MYO5B: variants seen among roughly 807,000 people sequenced by gnomAD.
The protein encoded by MYO5B is unconventional myosin-Vb.
A neutral mutation model predicts 229.3 loss-of-function variants in MYO5B; 143 were observed. That is an observed-to-expected ratio of 0.62 (90% CI 0.54 to 0.72). The LOEUF (loss-of-function observed/expected upper bound fraction) is 0.72, where lower values mean the gene tolerates loss of function less well. Among genes scored for constraint, MYO5B ranks in the 30% least tolerant of loss-of-function variants. The pLI is 0.00. For synonymous variants in MYO5B, 918 were observed against 885.2 expected, an observed-to-expected ratio of 1.04 and a Z score of -0.66; for missense variants, 2,321 against 2,331.0, an observed-to-expected ratio of 1.00 and a Z score of 0.09.
At chr18:49,953,202 C>A in intron 14 of MYO5B, 58 bp downstream of exon 14, 2 of 1,522,088 alleles carry the variant, frequency 1.3e-6, no homozygotes, top group South Asian at 2.2e-5. Context: ...TCACCACTCC[C>A]TGTCCAGCAC....
intron 17 of MYO5B, among the ~76,000 whole-genome samples, chr18:49,917,422 C>G (rs549126343): frequency 6.6e-6 from 1 of 152,164 alleles, no homozygotes; most frequent in Non-Finnish European, 1.5e-5. Flanking sequence ...TATCCCCGAC[C>G]CCATTCACTG....
chr18:50,054,859 A>G (rs907018073), intron 2 of MYO5B, among the ~76,000 whole-genome samples: 15 of 152,168 alleles, frequency 9.9e-5, no homozygotes, highest in Non-Finnish European at 1.6e-4. Flanking sequence ...GTGAACTGAT[A>G]TAAGGTCACA....
Position 50,094,075 on chromosome 18 carries a change from G to A in MYO5B, c.28-38697C>T, listed in dbSNP as rs531613134. ...TTTCATTTTACTCTAGATTCGCCTC[G>A]AATTCTTTGTGTGAGATCCAAGAAC... On this transcript the variant is annotated intron_variant, in intron 1 of 39. Coordinates refer to ENST00000285039, the MANE Select transcript of MYO5B (RefSeq NM_001080467.3). 1.8e-4 allele frequency among the ~76,000 whole-genome samples: 28 copies of A among 152,202 alleles called. No individual in the cohort carries two copies. The South Asian group carries it at 5.2e-3, about 28-fold the overall frequency.
Position 49,864,183 on chromosome 18 carries a change from C to T in MYO5B, c.3801G>A (p.Gln1267=), listed in dbSNP as rs2024366957. The change falls in exon 28 of 40, where the codon CAG becomes CAA. Residue 1267 remains glutamine, a synonymous_variant. Coordinates refer to ENST00000285039, the MANE Select transcript of MYO5B (RefSeq NM_001080467.3). The part of the protein sequence containing the change: ...RKEEVLILRT[Q]IVSADQRRLA... ...GTCGCCGCTGGTCGGCGCTCACGATCTGGGTCCTGAGGATGAGCACCTCCT... is the reference window on the plus strand; with the variant it reads ...GTCGCCGCTGGTCGGCGCTCACGATTTGGGTCCTGAGGATGAGCACCTCCT... 7 of 1,612,750 alleles carry T rather than the reference C, an allele frequency of 4.3e-6. No homozygotes were observed. The highest frequency in any genetic ancestry group is 5.9e-6 in the Non-Finnish European group (7 of 1,180,016).
At chr18:49,893,071 A>G (rs1377318893) in intron 22 of MYO5B, among the ~76,000 whole-genome samples, 2 of 152,190 alleles carry the variant, frequency 1.3e-5, no homozygotes, top group African/African-American at 2.4e-5. Context: ...TTTTCATATT[A>G]TAAACTCTTA....
At chr18:50,014,792 G>C (rs1379393015) in intron 4 of MYO5B, among the ~76,000 whole-genome samples, 1 of 152,218 alleles carries the variant, frequency 6.6e-6, no homozygotes, top group Non-Finnish European at 1.5e-5. Flanking sequence ...GTGGGGTTCA[G>C]CTGTTCCATC....
chr18:49,966,175 T>G (rs2025623402), intron 10 of MYO5B, among the ~76,000 whole-genome samples: 1 of 152,142 alleles, frequency 6.6e-6, no homozygotes, highest in African/African-American at 2.4e-5. Flanking sequence ...TACATCAGGC[T>G]TCTCCCACCC....
intron 28 of MYO5B, among the ~76,000 whole-genome samples, chr18:49,863,699 A>C (rs2024359629): frequency 6.6e-6 from 1 of 152,190 alleles, no homozygotes; most frequent in African/African-American, 2.4e-5. Context: ...GAAGTGGCTC[A>C]GGTTTTTAGA....
chr18:50,068,166 T>C (rs1049958697), intron 1 of MYO5B, among the ~76,000 whole-genome samples: 2 of 152,216 alleles, frequency 1.3e-5, no homozygotes, highest in African/African-American at 4.8e-5. Flanking sequence ...TTCTTACAGA[T>C]GCCTTACATA....
In MYO5B at chr18:49,864,214, C is replaced by T. The variant is rs778133001; in HGVS notation, c.3770G>A (p.Arg1257His). Reference sequence around the variant, plus strand: ...CCTGAGGATGAGCACCTCCTCCTTGCGCACCTCGAGCTCCTCGTGGGCCAG... The same window carrying T: ...CCTGAGGATGAGCACCTCCTCCTTGTGCACCTCGAGCTCCTCGTGGGCCAG... ...LKLAHEELEV[R>H]KEEVLILRTQ... The change falls in exon 28 of 40, where the codon CGC becomes CAC. Residue 1257 changes from arginine to histidine, a missense_variant. By Grantham distance (29) the Arg-to-His change is conservative. Coordinates refer to ENST00000285039, the MANE Select transcript of MYO5B (RefSeq NM_001080467.3). The T allele has an allele frequency of 1.2e-6, 2 of 1,613,812 alleles. No homozygotes were observed. The highest frequency in any genetic ancestry group is 1.7e-6 in the Non-Finnish European group (2 of 1,180,040).
intron 1 of MYO5B, among the ~76,000 whole-genome samples, chr18:50,145,028 T>C (rs1222089150): frequency 6.6e-6 from 1 of 152,166 alleles, no homozygotes; most frequent in Non-Finnish European, 1.5e-5. Context: ...AGGTAACTTC[T>C]GGGAGAGGCA....
intron 1 of MYO5B, among the ~76,000 whole-genome samples, chr18:50,149,903 A>C (rs1164492551): frequency 6.8e-6 from 1 of 146,262 alleles, no homozygotes; most frequent in African/African-American, 2.5e-5. Flanking sequence ...GCAACCTACA[A>C]AATGGGAGAA....
intron 1 of MYO5B, among the ~76,000 whole-genome samples, chr18:50,115,103 T>C (rs1445840959): frequency 6.6e-6 from 1 of 152,178 alleles, no homozygotes; most frequent in Non-Finnish European, 1.5e-5. Flanking sequence ...CTTACACCTG[T>C]CCCCACACTG....
chr18:49,991,254 A>G (rs2025929153), intron 6 of MYO5B, among the ~76,000 whole-genome samples: 1 of 152,222 alleles, frequency 6.6e-6, no homozygotes, highest in African/African-American at 2.4e-5. Flanking sequence ...TGGTTAAAAA[A>G]TTCATTAGAT....
At chr18:49,852,667 G>A (rs2024215906) in intron 31 of MYO5B, among the ~76,000 whole-genome samples, 1 of 151,934 alleles carries the variant, frequency 6.6e-6, no homozygotes, top group South Asian at 2.1e-4. Flanking sequence ...GCTGAGCCCC[G>A]CCCTCCGACT....
chr18:50,104,287 T>C (rs1407324628), intron 1 of MYO5B, among the ~76,000 whole-genome samples: 2 of 144,824 alleles, frequency 1.4e-5, no homozygotes, highest in Non-Finnish European at 3.0e-5. Context: ...TATATATATA[T>C]ATATCTCATA....
At position 49,841,419 on chromosome 18, in the gene MYO5B, C is replaced by G. The variant is rs754021420; in HGVS notation, c.4647G>C (p.Trp1549Cys). The change falls in exon 35 of 40, where the codon TGG becomes TGC. Residue 1549 changes from tryptophan to cysteine, a missense_variant. Trp to Cys is a radical substitution (Grantham distance 215). Transcript: ENST00000285039. ...GAAGAAGGCGGCAGGTGTTGGATAACCAGAATGACGTCATCTCAAAGTCAT... is the reference window on the plus strand; with the variant it reads ...GAAGAAGGCGGCAGGTGTTGGATAAGCAGAATGACGTCATCTCAAAGTCAT... Reference protein sequence around the residue: ...HNDDFEMTSFWLSNTCRLLHC... With the variant: ...HNDDFEMTSFCLSNTCRLLHC... 2.5e-6 allele frequency: 4 copies of G among 1,614,180 alleles called. No individual in the cohort carries two copies. The highest frequency in any genetic ancestry group is 3.3e-5 in the Admixed American group (2 of 60,020).
chr18:49,988,632 T>C (rs1449925246), intron 7 of MYO5B, among the ~76,000 whole-genome samples: 2 of 152,210 alleles, frequency 1.3e-5, no homozygotes, highest in Non-Finnish European at 2.9e-5. Flanking sequence ...GTTTATTTTC[T>C]ATAAAACTGA....
chr18:49,870,537 A>T (rs867489383), intron 27 of MYO5B, among the ~76,000 whole-genome samples: 1 of 152,216 alleles, frequency 6.6e-6, no homozygotes, highest in Non-Finnish European at 1.5e-5. Context: ...GTATCTGATA[A>T]GGGATTAATA....
Sources: allele counts gnomAD v4.1 joint callset (sites outside exome capture counted in the v4.1 genomes callset), GRCh38; gene constraint gnomAD v4.1.1; transcripts MANE v1.5; gene names NCBI Gene and HGNC (gene_info 2026-07-23, HGNC 2026-07-21).